ZSWIM5: variants seen among roughly 807,000 people sequenced by gnomAD.
ZSWIM5 encodes the protein zinc finger SWIM domain-containing protein 5.
ZSWIM5 carries 55 observed loss-of-function variants against 119.6 expected under a neutral mutation model. The ratio of observed to expected loss-of-function variants is 0.46; its 90% CI spans 0.37 to 0.58. The LOEUF (loss-of-function observed/expected upper bound fraction) is 0.58. ZSWIM5 is among the 20% of genes least tolerant of loss of function. The pLI, the probability that ZSWIM5 is intolerant of heterozygous loss-of-function variation, is 0.00. For missense variants in ZSWIM5, 1,193 were observed against 1,512.8 expected (o/e 0.79, Z 3.51); for synonymous variants, 537 against 606.9 (o/e 0.88, Z 1.69).
At position 45,030,692 on chromosome 1, in the gene ZSWIM5, G is replaced by A. The variant is rs367914005; in HGVS notation, c.2449+3620C>T. Among the ~76,000 whole-genome samples, 154 of 152,008 alleles carry A rather than the reference G, an allele frequency of 1.0e-3. 5 individuals carry two copies. The South Asian group carries it at 0.022, about 22-fold the overall frequency. On this transcript the variant is annotated intron_variant, in intron 11 of 13. Coordinates refer to ENST00000359600, the MANE Select transcript of ZSWIM5 (RefSeq NM_020883.2). ...TTTTGATGTCTTTAGAATCTGTAGT[G>A]ATATCACCTTTCTCATTCCTGATAT...
At chr1:45,140,155 T>C (rs1220212543) in intron 1 of ZSWIM5, among the ~76,000 whole-genome samples, 1 of 152,160 alleles carries the variant, frequency 6.6e-6, no homozygotes, top group East Asian at 1.9e-4. Flanking sequence ...CACTTGAAAG[T>C]AGACGGTGCT....
At chr1:45,096,173 T>C (rs1005945600) in intron 1 of ZSWIM5, among the ~76,000 whole-genome samples, 2 of 152,164 alleles carry the variant, frequency 1.3e-5, no homozygotes, top group African/African-American at 4.8e-5. Context: ...TTATTAGTTA[T>C]AGGTCTTCAA....
At chr1:45,022,923 C>G (rs1416813311) in intron 11 of ZSWIM5, among the ~76,000 whole-genome samples, 1 of 152,206 alleles carries the variant, frequency 6.6e-6, no homozygotes, top group Non-Finnish European at 1.5e-5. Context: ...GTGGCTTGTG[C>G]CCAGCAAATT....
At chr1:45,173,431 T>C (rs1645957766) in intron 1 of ZSWIM5, among the ~76,000 whole-genome samples, 1 of 152,184 alleles carries the variant, frequency 6.6e-6, no homozygotes, top group African/African-American at 2.4e-5. Flanking sequence ...TGTCTGAATT[T>C]TCTTATAGAC....
chr1:45,106,649 C>T (rs1409107311), intron 1 of ZSWIM5, among the ~76,000 whole-genome samples: 5 of 150,642 alleles, frequency 3.3e-5, no homozygotes, highest in African/African-American at 9.8e-5. Context: ...CCGGCCGCCC[C>T]GTCTGGGAAG....
intron 1 of ZSWIM5, among the ~76,000 whole-genome samples, chr1:45,160,940 G>A (rs556850899): frequency 3.3e-5 from 5 of 149,320 alleles, no homozygotes; most frequent in Non-Finnish European, 7.4e-5. Context: ...TCCTGCCTCA[G>A]CCTCCCAAGT....
intron 2 of ZSWIM5, among the ~76,000 whole-genome samples, chr1:45,061,552 G>T (rs1440409243): frequency 6.6e-6 from 1 of 151,306 alleles, no homozygotes; most frequent in Non-Finnish European, 1.5e-5. Context: ...TGTATTTTTG[G>T]CAGAGATGGG....
At chr1:45,174,674 A>G (rs1284555240) in intron 1 of ZSWIM5, among the ~76,000 whole-genome samples, 1 of 151,964 alleles carries the variant, frequency 6.6e-6, no homozygotes, top group Admixed American at 6.6e-5. Context: ...TGCAAGGTGG[A>G]GTTTGCAGTG....
rs968606944 is a variant in ZSWIM5 at position 45,092,549 on chromosome 1, C to G, written c.596-4312G>C. On this transcript the variant is annotated intron_variant, in intron 1 of 13. Transcript: ENST00000359600. ...TGACCTCGTGATCCACCCCCCCCCC[C>G]CCGCCAGCCTTACAAAGTGCTAGGA... Among the ~76,000 whole-genome samples the G allele has an allele frequency of 1.1e-4, 13 of 117,472 alleles. 1 individual carries two copies. The highest frequency in any genetic ancestry group is 3.4e-4 in the South Asian group (1 of 2,928). 77.1% of individuals were successfully genotyped at this position (117,472 alleles called of 152,430 possible).
At chr1:45,199,643 C>T (rs537495361) in intron 1 of ZSWIM5, among the ~76,000 whole-genome samples, 4 of 152,224 alleles carry the variant, frequency 2.6e-5, no homozygotes, top group Non-Finnish European at 2.9e-5. Context: ...CTAAATACCA[C>T]ATTCATCACT....
At chr1:45,197,934 G>A (rs934121983) in intron 1 of ZSWIM5, among the ~76,000 whole-genome samples, 4 of 152,200 alleles carry the variant, frequency 2.6e-5, no homozygotes, top group Non-Finnish European at 5.9e-5. Context: ...ATGGGGCAAT[G>A]CCCCAAATAA....
intron 1 of ZSWIM5, among the ~76,000 whole-genome samples, chr1:45,166,933 G>A (rs571881833): frequency 1.3e-5 from 2 of 152,182 alleles, no homozygotes; most frequent in Admixed American, 1.3e-4. Context: ...TCACCATCAA[G>A]CTACCAATGA....
chr1:45,033,867 CTT>C (rs970847655), intron 11 of ZSWIM5, among the ~76,000 whole-genome samples: 5 of 143,566 alleles, frequency 3.5e-5, no homozygotes, highest in African/African-American at 2.5e-5. Context: ...GATCCAGGTG[CTT>C]TTTTTTTTTT....
intron 1 of ZSWIM5, among the ~76,000 whole-genome samples, chr1:45,204,704 T>G (rs1646176546): frequency 6.6e-6 from 1 of 152,200 alleles, no homozygotes; most frequent in Admixed American, 6.5e-5. Context: ...AAAAACAACC[T>G]CCCTTCAACT....
chr1:45,019,407 A>C lies in ZSWIM5; in HGVS notation c.2696-91T>G. ...CATTTGGGGTTTGAACTTGGCCTGC[A>C]GAGATGAATTCTTCCTCCTCAGCAA... On this transcript the variant is annotated intron_variant, in intron 13 of 13. Transcript: ENST00000359600. The surrounding 1 kb of genome is among the most constrained non-coding windows in gnomAD (Gnocchi z 5.0). 1 of 1,491,892 alleles carries C rather than the reference A, an allele frequency of 6.7e-7. No individual in the cohort carries two copies. 92.4% of individuals were successfully genotyped at this position (1,491,892 alleles called of 1,614,324 possible).
chr1:45,028,818 C>T (rs1221951959), intron 11 of ZSWIM5, among the ~76,000 whole-genome samples: 4 of 151,942 alleles, frequency 2.6e-5, no homozygotes, highest in African/African-American at 7.3e-5. Flanking sequence ...TGTGGTGGCT[C>T]ACACCTGTAA....
chr1:45,107,641 CAAA>C (rs931372052), intron 1 of ZSWIM5, among the ~76,000 whole-genome samples: 24 of 68,552 alleles, frequency 3.5e-4, no homozygotes, highest in Admixed American at 4.7e-4. Context: ...GACTCTGTCT[CAAA>C]AAAAAAAAAA....
intron 11 of ZSWIM5, among the ~76,000 whole-genome samples, chr1:45,023,866 T>C (rs368012528): frequency 3.9e-5 from 6 of 152,228 alleles, no homozygotes; most frequent in East Asian, 1.9e-4. Context: ...CACATCCTTG[T>C]CAGCATTTGG....
chr1:45,036,416 G>A, intron 8 of ZSWIM5, 117 bp from the exon 9 acceptor site: 5 of 1,400,910 alleles, frequency 3.6e-6, no homozygotes, highest in South Asian at 1.5e-5. Context: ...GTACAGTGGT[G>A]CAATCTCAGC....
Sources: gnomAD v4.1 joint callset for allele counts (sites outside exome capture counted in the v4.1 genomes callset) on GRCh38, gnomAD v4.1.1 for gene constraint, Gnocchi (gnomAD v3.1) non-coding constraint, MANE v1.5 for transcripts, NCBI Gene and HGNC (gene_info 2026-07-23, HGNC 2026-07-21) for gene names.